The following B3GNT2 variants were observed in gnomAD, a reference collection of about 807,000 sequenced individuals.
The protein encoded by B3GNT2 is N-acetyllactosaminide beta-1,3-N-acetylglucosaminyltransferase 2.
Under a neutral mutation model 27.6 loss-of-function variants are expected in B3GNT2, and 12 were observed. The observed-to-expected ratio is 0.44, with a 90% CI of 0.28 to 0.71. The LOEUF is 0.71. Among genes scored for constraint, B3GNT2 ranks in the 30% least tolerant of loss-of-function variants. The pLI is 0.17. For synonymous variants in B3GNT2, 192 were observed against 189.7 expected (o/e 1.01, Z -0.10); for missense variants, 413 against 488.5 (o/e 0.85, Z 1.46).
chr2:62,196,637 T>G (rs1043070343), intron 1 of B3GNT2, among the ~76,000 whole-genome samples: 1 of 152,206 alleles, frequency 6.6e-6, no homozygotes, highest in African/African-American at 2.4e-5. Flanking sequence ...CACCGCCCGC[T>G]GCGGGGCTTT....
chr2:62,208,706 A>T (rs1465127859), intron 1 of B3GNT2, among the ~76,000 whole-genome samples: 1 of 152,238 alleles, frequency 6.6e-6, no homozygotes, highest in African/African-American at 2.4e-5. Flanking sequence ...TTTGATCAAA[A>T]TGGTCAAAGA....
chr2:62,205,503 A>T (rs539023389), intron 1 of B3GNT2, among the ~76,000 whole-genome samples: 1 of 152,380 alleles, frequency 6.6e-6, no homozygotes, highest in Non-Finnish European at 1.5e-5. Flanking sequence ...GTCCTGAAAC[A>T]CTTGTCAGTA....
At chr2:62,216,980 C>G (rs1383951125) in intron 1 of B3GNT2, among the ~76,000 whole-genome samples, 2 of 152,218 alleles carry the variant, frequency 1.3e-5, no homozygotes, top group Non-Finnish European at 2.9e-5. Context: ...TGGCTGGGAA[C>G]CTGGGACTCT....
At chr2:62,209,785 C>A (rs948362526) in intron 1 of B3GNT2, among the ~76,000 whole-genome samples, 1 of 152,156 alleles carries the variant, frequency 6.6e-6, no homozygotes, top group Non-Finnish European at 1.5e-5. Flanking sequence ...GCTGATCTCC[C>A]TTCACTGCAG....
chr2:62,218,417 C>G (rs1353916821), intron 1 of B3GNT2, among the ~76,000 whole-genome samples: 1 of 152,194 alleles, frequency 6.6e-6, no homozygotes, highest in Non-Finnish European at 1.5e-5. Context: ...AGAGTTGCCT[C>G]AAATTGAGCC....
At chr2:62,198,351 A>T (rs564853994) in intron 1 of B3GNT2, among the ~76,000 whole-genome samples, 1 of 152,332 alleles carries the variant, frequency 6.6e-6, no homozygotes, top group Admixed American at 6.5e-5. Context: ...TTCTGAGGAC[A>T]AATAGGATGT....
intron 1 of B3GNT2, among the ~76,000 whole-genome samples, chr2:62,209,898 C>CT (rs1277554123): frequency 6.6e-6 from 1 of 152,208 alleles, no homozygotes; most frequent in Admixed American, 6.5e-5. Context: ...GTCTCTCATC[C>CT]TTTCGTATGA....
rs562405544 is a variant in B3GNT2 at position 62,202,650 on chromosome 2, C to T, written c.-10+6295C>T. On this transcript the variant is annotated intron_variant, in intron 1 of 1. Coordinates refer to ENST00000301998, the MANE Select transcript of B3GNT2 (RefSeq NM_006577.6). ...GAGCGTGAATGAGGCGAGCCTGACC[C>T]CGGGCAGGTCATTGCAGTCCCTGCG... Among the ~76,000 whole-genome samples, 8 of 152,298 alleles carry T rather than the reference C, an allele frequency of 5.3e-5. No individual in the cohort carries two copies. The East Asian group carries it at 1.4e-3, about 26-fold the overall frequency.
chr2:62,202,862 C>CT (rs1266492219), intron 1 of B3GNT2, among the ~76,000 whole-genome samples: 1 of 152,178 alleles, frequency 6.6e-6, no homozygotes, highest in Non-Finnish European at 1.5e-5. Flanking sequence ...CCTCCTCCTC[C>CT]TACCTCCCTT....
At chr2:62,201,697 A>G (rs1006558662) in intron 1 of B3GNT2, among the ~76,000 whole-genome samples, 2 of 152,348 alleles carry the variant, frequency 1.3e-5, no homozygotes, top group South Asian at 2.1e-4. Context: ...TAGAAAAAGT[A>G]TTCAAGATAA....
chr2:62,215,806 T>C (rs1239058501), intron 1 of B3GNT2, among the ~76,000 whole-genome samples: 1 of 152,196 alleles, frequency 6.6e-6, no homozygotes, highest in Non-Finnish European at 1.5e-5. Context: ...GGCTGCTAGC[T>C]CTGACACTCC....
intron 1 of B3GNT2, among the ~76,000 whole-genome samples, chr2:62,196,846 C>G (rs763494688): frequency 2.9e-4 from 44 of 152,052 alleles, no homozygotes; most frequent in Non-Finnish European, 5.7e-4. Context: ...CGCTCGCACC[C>G]CCGCACCCCA....
chr2:62,213,692 C>G (rs1674520562), intron 1 of B3GNT2, among the ~76,000 whole-genome samples: 1 of 152,194 alleles, frequency 6.6e-6, no homozygotes. Flanking sequence ...TGCTGAAATT[C>G]TTATCTCCCC....
chr2:62,204,056 C>T (rs1410199193), intron 1 of B3GNT2, among the ~76,000 whole-genome samples: 2 of 152,140 alleles, frequency 1.3e-5, no homozygotes, highest in Non-Finnish European at 2.9e-5. Context: ...GACAGAATTT[C>T]CCTCTTGTTG....
chr2:62,213,786 T>A (rs1674521579), intron 1 of B3GNT2, among the ~76,000 whole-genome samples: 1 of 152,152 alleles, frequency 6.6e-6, no homozygotes, highest in Non-Finnish European at 1.5e-5. Context: ...TGTCTGTAAT[T>A]CAGCACACAT....
chr2:62,208,789 T>A (rs79129260), intron 1 of B3GNT2, among the ~76,000 whole-genome samples: 4,854 of 152,198 alleles, frequency 0.032, 273 homozygotes, highest in South Asian at 0.2. Context: ...ATTGATTGTG[T>A]GTTGAGTGGT....
chr2:62,224,614 A>T lies in B3GNT2; in HGVS notation c.*1200A>T, dbSNP rs139684271. ...TTAAAATTCTGCCAAACTATTACTTATATGTACTATTGTGTAACATACTTT... is the reference window on the plus strand; with the variant it reads ...TTAAAATTCTGCCAAACTATTACTTTTATGTACTATTGTGTAACATACTTT... On this transcript the variant is annotated 3_prime_UTR_variant, in exon 2 of 2. Coordinates refer to ENST00000301998, the MANE Select transcript of B3GNT2 (RefSeq NM_006577.6). 1.2e-5 allele frequency: 2 copies of T among 167,062 alleles called. No individual in the cohort carries two copies. The highest frequency in any genetic ancestry group is 4.1e-4 in the South Asian group (2 of 4,824). The allele number at this position is 167,062 out of a possible 1,614,324, so 10.3% of individuals were successfully genotyped here. A position where few individuals can be genotyped will look rare whatever the true frequency, so the allele number is the denominator to read the frequency against.
chr2:62,216,857 C>T (rs966740484), intron 1 of B3GNT2, among the ~76,000 whole-genome samples: 5 of 152,238 alleles, frequency 3.3e-5, no homozygotes, highest in African/African-American at 1.2e-4. Context: ...ATAAAGTCCA[C>T]GTGAGTCACT....
rs375459610 is a variant in B3GNT2, at chr2:62,221,933, G to A, written c.-9-279G>A. On this transcript the variant is annotated intron_variant, in intron 1 of 1. Coordinates refer to ENST00000301998, the MANE Select transcript of B3GNT2 (RefSeq NM_006577.6). ...TTACATAGTGCTTGCTGTGAGCCAC[G>A]CGCTATTTTAAAAGCTTTCCATATA... is the stretch of plus-strand genomic sequence containing the variant. 7.2e-5 allele frequency: 38 copies of A among 529,830 alleles called. No individual in the cohort carries two copies. The East Asian group carries it at 8.0e-4, about 11-fold the overall frequency. 32.8% of individuals were successfully genotyped at this position (529,830 alleles called of 1,614,324 possible).
Sources: allele counts gnomAD v4.1 joint callset (sites outside exome capture counted in the v4.1 genomes callset), GRCh38; gene constraint gnomAD v4.1.1; transcripts MANE v1.5; gene names NCBI Gene and HGNC (gene_info 2026-07-23, HGNC 2026-07-21).